Variants in FBXL17 observed in about 807,000 individuals in gnomAD.
FBXL17 encodes the protein F-box and leucine rich repeat protein 17.
In FBXL17, 22 loss-of-function variants were observed where a neutral mutation model predicts 66.2. The ratio of observed to expected loss-of-function variants is 0.33; its 90% CI spans 0.24 to 0.47. The LOEUF is 0.47. FBXL17 is among the 20% of genes least tolerant of loss of function. The pLI is 1.00. For synonymous variants in FBXL17, 474 were observed against 400.5 expected (o/e 1.18, Z -2.19); for missense variants, 878 against 948.2 (o/e 0.93, Z 0.97).
intron 5 of FBXL17, among the ~76,000 whole-genome samples, chr5:108,217,287 T>C (rs1025551010): frequency 1.6e-4 from 24 of 152,282 alleles, no homozygotes; most frequent in African/African-American, 5.8e-4. Context: ...TGCTCCTTAA[T>C]AGTCTTGGAG....
intron 6 of FBXL17, among the ~76,000 whole-genome samples, chr5:108,088,700 C>CAAAAAAAAAAAAAAAAAAAAAAAAA (rs57707936): frequency 8.1e-5 from 4 of 49,346 alleles, no homozygotes; most frequent in African/African-American, 3.5e-4. Context: ...GACTCTATCT[C>CAAAAAAAAAAAAAAAAAAAAAAAAA]AAAAAAAAAA....
At chr5:108,254,039 C>T (rs73214546) in intron 4 of FBXL17, among the ~76,000 whole-genome samples, 1,942 of 152,202 alleles carry the variant, frequency 0.013, 32 homozygotes, top group African/African-American at 0.042. Context: ...AATAGATGTG[C>T]AATCACCTTT....
chr5:108,077,848 A>G (rs1157480795), intron 6 of FBXL17, among the ~76,000 whole-genome samples: 1 of 152,174 alleles, frequency 6.6e-6, no homozygotes, highest in Non-Finnish European at 1.5e-5. Context: ...ATCACTAAGA[A>G]TCACTAAGAA....
At chr5:108,053,957 G>C (rs919356717) in intron 6 of FBXL17, among the ~76,000 whole-genome samples, 2 of 152,114 alleles carry the variant, frequency 1.3e-5, no homozygotes, top group Non-Finnish European at 2.9e-5. Context: ...TCATGTCCTT[G>C]GCAGGGACAT....
At chr5:108,294,124 A>T (rs574466137) in intron 4 of FBXL17, among the ~76,000 whole-genome samples, 2 of 149,870 alleles carry the variant, frequency 1.3e-5, no homozygotes, top group East Asian at 3.9e-4. Flanking sequence ...ACATGATATT[A>T]AAAAAACTGA....
At chr5:108,255,006 T>A (rs780396523) in intron 4 of FBXL17, among the ~76,000 whole-genome samples, 25 of 152,200 alleles carry the variant, frequency 1.6e-4, no homozygotes, top group Non-Finnish European at 2.2e-4. Context: ...TTAGTGAGTG[T>A]ACAAAGGGCT....
chr5:108,034,232 C>T (rs945243118), intron 6 of FBXL17, among the ~76,000 whole-genome samples: 2 of 152,200 alleles, frequency 1.3e-5, no homozygotes, highest in African/African-American at 4.8e-5. Context: ...TCCACTTTAT[C>T]TCTAATGAGT....
rs146311783 is a variant in FBXL17 at position 108,276,037 on chromosome 5, AAAAG to A, written c.1507-51813_1507-51810del. ...ACTGCATTAAAAGTTGAAAACAATA[AAAAG>A]AAAGAAAGTAAATGTAATCCAATAT... On this transcript the variant is annotated intron_variant, in intron 4 of 8. Coordinates refer to ENST00000542267, the MANE Select transcript of FBXL17 (RefSeq NM_001163315.3). Among the ~76,000 whole-genome samples the A allele has an allele frequency of 9.4e-4, 143 of 152,310 alleles. 1 individual carries two copies. In the East Asian group the frequency reaches 0.022, roughly 24 times the overall value.
intron 6 of FBXL17, among the ~76,000 whole-genome samples, chr5:108,054,761 C>G (rs1188718467): frequency 1.3e-5 from 2 of 152,146 alleles, no homozygotes. Flanking sequence ...GTGCCCATTG[C>G]TGTCTCTAGA....
Position 108,344,447 on chromosome 5 carries a change from T to C in FBXL17, c.1506+3952A>G, listed in dbSNP as rs554540389. On this transcript the variant is annotated intron_variant, in intron 4 of 8. Coordinates refer to ENST00000542267, the MANE Select transcript of FBXL17 (RefSeq NM_001163315.3). Reference sequence around the variant, plus strand: ...CATAGTATTACTATTTTCTTGAGAATTGAGTAATCTATAATAGTTTACAGC... The same window carrying C: ...CATAGTATTACTATTTTCTTGAGAACTGAGTAATCTATAATAGTTTACAGC... 3.2e-4 allele frequency among the ~76,000 whole-genome samples: 49 copies of C among 152,292 alleles called. No individual in the cohort carries two copies. In the South Asian group the frequency reaches 3.3e-3, roughly 10 times the overall value.
chr5:108,343,877 T>C (rs1188154073), intron 4 of FBXL17, among the ~76,000 whole-genome samples: 1 of 152,142 alleles, frequency 6.6e-6, no homozygotes, highest in African/African-American at 2.4e-5. Flanking sequence ...AATAATAGGC[T>C]TCACTATCCT....
At chr5:108,040,408 A>C (rs1453245217) in intron 6 of FBXL17, among the ~76,000 whole-genome samples, 1 of 152,142 alleles carries the variant, frequency 6.6e-6, no homozygotes, top group African/African-American at 2.4e-5. Context: ...TATGACCTAA[A>C]GTTATACTAG....
At chr5:107,892,915 A>AG (rs1187600432) in intron 7 of FBXL17, among the ~76,000 whole-genome samples, 1 of 152,220 alleles carries the variant, frequency 6.6e-6, no homozygotes, top group Non-Finnish European at 1.5e-5. Context: ...GTAGAGAACT[A>AG]GATTAGAATA....
At position 108,123,687 on chromosome 5, in the gene FBXL17, A is replaced by AT. The variant is rs1332553360; in HGVS notation, c.1745+62429dup. 6.6e-5 allele frequency among the ~76,000 whole-genome samples: 10 copies of AT among 152,244 alleles called. No individual in the cohort carries two copies. In the East Asian group the frequency reaches 1.9e-3, roughly 29 times the overall value. ...AACTGTCATCTCATTGTCACCTTTC[A>AT]TTAGCTGATACTCCCTATTTCTGTG... On this transcript the variant is annotated intron_variant, in intron 6 of 8. Coordinates refer to ENST00000542267, the MANE Select transcript of FBXL17 (RefSeq NM_001163315.3).
At chr5:108,205,389 A>C (rs1754075834) in intron 5 of FBXL17, among the ~76,000 whole-genome samples, 1 of 152,168 alleles carries the variant, frequency 6.6e-6, no homozygotes, top group Non-Finnish European at 1.5e-5. Flanking sequence ...ATCATTCTTG[A>C]CAAAACTAAC....
chr5:107,916,640 G>A (rs1222146449), intron 7 of FBXL17, among the ~76,000 whole-genome samples: 1 of 152,134 alleles, frequency 6.6e-6, no homozygotes. Flanking sequence ...CCAGAGCACA[G>A]GCTATACAAA....
At chr5:107,889,172 A>C (rs1247233990) in intron 7 of FBXL17, among the ~76,000 whole-genome samples, 1 of 152,216 alleles carries the variant, frequency 6.6e-6, no homozygotes, top group African/African-American at 2.4e-5. Flanking sequence ...TACTTAGTAG[A>C]TATCTATTAC....
intron 5 of FBXL17, among the ~76,000 whole-genome samples, chr5:108,212,098 T>A (rs1435859705): frequency 2.0e-5 from 3 of 152,220 alleles, no homozygotes; most frequent in African/African-American, 7.2e-5. Flanking sequence ...TGATATCCTT[T>A]CTTCCACTTG....
intron 7 of FBXL17, among the ~76,000 whole-genome samples, chr5:107,899,530 G>C (rs1749496909): frequency 1.3e-5 from 2 of 152,136 alleles, no homozygotes; most frequent in Admixed American, 1.3e-4. Context: ...CAGCTACTTG[G>C]GAAGGCTGGT....
Sources: allele counts gnomAD v4.1 joint callset (sites outside exome capture counted in the v4.1 genomes callset), GRCh38; gene constraint gnomAD v4.1.1; transcripts MANE v1.5; gene names NCBI Gene and HGNC (gene_info 2026-07-23, HGNC 2026-07-21).